NOL4: variants seen among roughly 807,000 people sequenced by gnomAD.
NOL4 encodes the protein nucleolar protein 4.
Under a neutral mutation model 75.9 loss-of-function variants are expected in NOL4, and 17 were observed. That is an observed-to-expected ratio of 0.22 (90% CI 0.15 to 0.34). NOL4 has a LOEUF of 0.34. Ranked by LOEUF, NOL4 falls within the 10% of genes least tolerant of loss-of-function variation. The pLI is 1.00. For missense variants in NOL4, 614 were observed against 793.5 expected, an observed-to-expected ratio of 0.77 and a Z score of 2.72; for synonymous variants, 292 against 289.9, an observed-to-expected ratio of 1.01 and a Z score of -0.07.
chr18:34,142,620 G>A (rs984419130), intron 1 of NOL4, among the ~76,000 whole-genome samples: 1 of 152,066 alleles, frequency 6.6e-6, no homozygotes, highest in Non-Finnish European at 1.5e-5. Flanking sequence ...TCATAGATGG[G>A]AATTGAACAA....
chr18:33,896,421 A>C (rs1354834269), intron 9 of NOL4, among the ~76,000 whole-genome samples: 1 of 152,174 alleles, frequency 6.6e-6, no homozygotes, highest in African/African-American at 2.4e-5. Flanking sequence ...TGATACAGGT[A>C]CAAAAACAGG....
At chr18:34,161,284 A>C (rs1414541919) in intron 1 of NOL4, among the ~76,000 whole-genome samples, 1 of 152,160 alleles carries the variant, frequency 6.6e-6, no homozygotes, top group Non-Finnish European at 1.5e-5. Flanking sequence ...ATGGGAGTGC[A>C]GATGTCTCCT....
intron 1 of NOL4, among the ~76,000 whole-genome samples, chr18:34,197,728 C>T (rs28580447): frequency 6.6e-6 from 1 of 151,888 alleles, no homozygotes; most frequent in South Asian, 2.1e-4. Context: ...GGTTTGAATT[C>T]CTGGCAGAGG....
intron 2 of NOL4, among the ~76,000 whole-genome samples, chr18:34,122,059 AAGAT>A (rs2080167863): frequency 6.6e-6 from 1 of 152,214 alleles, no homozygotes; most frequent in Admixed American, 6.5e-5. Flanking sequence ...AAAGCACAGA[AAGAT>A]AGAAATTTCC....
At chr18:34,212,467 A>G (rs2146570698) in intron 1 of NOL4, among the ~76,000 whole-genome samples, 1 of 152,382 alleles carries the variant, frequency 6.6e-6, no homozygotes, top group South Asian at 2.1e-4. Context: ...TAAATTTTAC[A>G]TTAAAGAACT....
chr18:33,853,704 C>T (rs1440984544), intron 10 of NOL4, among the ~76,000 whole-genome samples: 1 of 151,982 alleles, frequency 6.6e-6, no homozygotes, highest in Non-Finnish European at 1.5e-5. Context: ...TAAGTGATTA[C>T]TGCAAACAAT....
intron 1 of NOL4, among the ~76,000 whole-genome samples, chr18:34,160,850 T>A (rs950701659): frequency 2.5e-4 from 38 of 152,188 alleles, no homozygotes; most frequent in Admixed American, 1.2e-3. Context: ...TTCTAGCTAT[T>A]TATAAATATA....
intron 1 of NOL4, among the ~76,000 whole-genome samples, chr18:34,160,285 G>A (rs527692525): frequency 6.3e-4 from 96 of 152,194 alleles, no homozygotes; most frequent in African/African-American, 2.1e-3. Flanking sequence ...ATACAAAATG[G>A]ACCTATCCTC....
intron 5 of NOL4, among the ~76,000 whole-genome samples, chr18:34,034,646 T>C (rs1384357108): frequency 6.6e-6 from 1 of 151,860 alleles, no homozygotes; most frequent in Non-Finnish European, 1.5e-5. Context: ...GGCTGGGGCA[T>C]GAGAATCACT....
chr18:33,875,556 C>T (rs1036520082), intron 10 of NOL4, among the ~76,000 whole-genome samples: 1 of 151,940 alleles, frequency 6.6e-6, no homozygotes, highest in Non-Finnish European at 1.5e-5. Context: ...AACTCTAAAA[C>T]TACTGTAGAC....
intron 8 of NOL4, among the ~76,000 whole-genome samples, chr18:33,952,123 G>A (rs554312343): frequency 6.4e-4 from 97 of 152,212 alleles, no homozygotes; most frequent in African/African-American, 2.2e-3. Context: ...TTATATTCAG[G>A]ATTTGTATGT....
chr18:33,899,413 G>C (rs1365115967), intron 9 of NOL4, among the ~76,000 whole-genome samples: 1 of 152,054 alleles, frequency 6.6e-6, no homozygotes. Flanking sequence ...CCAACTCTTT[G>C]TCTCTCAATG....
chr18:34,121,444 G>C (rs1482370314), intron 2 of NOL4: 4 of 152,152 alleles, frequency 2.6e-5, no homozygotes, highest in Admixed American at 6.5e-5. Context: ...CTGGTCTGTG[G>C]GGAGCAAGCA....
At chr18:33,899,060 T>A (rs936044475) in intron 9 of NOL4, among the ~76,000 whole-genome samples, 1 of 152,150 alleles carries the variant, frequency 6.6e-6, no homozygotes, top group South Asian at 2.1e-4. Context: ...GGGGAAGAAT[T>A]TCATTTATTG....
intron 2 of NOL4, among the ~76,000 whole-genome samples, chr18:34,112,294 G>A (rs569593975): frequency 2.6e-5 from 4 of 151,952 alleles, no homozygotes; most frequent in South Asian, 4.2e-4. Context: ...ACTTGAACCC[G>A]GGAGGCAGAG....
At chr18:34,024,215 A>ATATATATATATAT (rs1491509605) in intron 5 of NOL4, among the ~76,000 whole-genome samples, 12 of 127,462 alleles carry the variant, frequency 9.4e-5, no homozygotes, top group Non-Finnish European at 1.6e-4. Flanking sequence ...ATATATATAT[A>ATATATATATATAT]AAATCCTCAT....
At chr18:34,219,544 A>C (rs977054126) in intron 1 of NOL4, among the ~76,000 whole-genome samples, 6 of 152,256 alleles carry the variant, frequency 3.9e-5, no homozygotes, top group Non-Finnish European at 8.8e-5. Flanking sequence ...AAAAGCTTCT[A>C]AAAACAAACT....
Position 33,897,456 on chromosome 18 carries a change from C to A in NOL4, c.1543-14032G>T, listed in dbSNP as rs141864183. Among the ~76,000 whole-genome samples, 31 of 152,234 alleles carry A rather than the reference C, an allele frequency of 2.0e-4. No homozygotes were observed. In the East Asian group the frequency reaches 5.4e-3, roughly 27 times the overall value. On this transcript the variant is annotated intron_variant, in intron 9 of 10. Transcript: ENST00000261592. ...CCATAAAAATAGAATGAGATCATGTCTTTTGTGGGACATGGAGGCAGCTGG... is the reference window on the plus strand; with the variant it reads ...CCATAAAAATAGAATGAGATCATGTATTTTGTGGGACATGGAGGCAGCTGG...
At chr18:34,187,984 A>G (rs1402236359) in intron 1 of NOL4, among the ~76,000 whole-genome samples, 2 of 152,152 alleles carry the variant, frequency 1.3e-5, no homozygotes, top group Non-Finnish European at 2.9e-5. Context: ...GAACATTGGT[A>G]CTGTCAGTGC....
Sources: gnomAD v4.1 joint callset for allele counts (sites outside exome capture counted in the v4.1 genomes callset) on GRCh38, gnomAD v4.1.1 for gene constraint, MANE v1.5 for transcripts, NCBI Gene and HGNC (gene_info 2026-07-23, HGNC 2026-07-21) for gene names.